ANKRD45: variants seen among roughly 807,000 people sequenced by gnomAD.
ANKRD45 encodes ankyrin repeat domain 45.
In ANKRD45, 21 loss-of-function variants were observed where a neutral mutation model predicts 28.1. That is an observed-to-expected ratio of 0.75 (90% CI 0.53 to 1.08). The LOEUF (loss-of-function observed/expected upper bound fraction) is 1.08, where lower values mean the gene tolerates loss of function less well. Ranked by LOEUF, ANKRD45 falls within the 50% of genes least tolerant of loss-of-function variation. The pLI is 0.00. For synonymous variants in ANKRD45, 86 were observed against 103.9 expected (o/e 0.83, Z 1.05); for missense variants, 261 against 308.7 (o/e 0.85, Z 1.16).
At position 173,659,177 on chromosome 1, in the gene ANKRD45, A is replaced by G. The variant is rs1186557416; in HGVS notation, c.242T>C (p.Leu81Ser). 1 of 1,614,028 alleles carries G rather than the reference A, an allele frequency of 6.2e-7. No homozygotes were observed. Among genetic ancestry groups the G allele is most frequent in the Non-Finnish European group, 8.5e-7 (1 of 1,180,022 alleles). ...TTGCCCAGCCATGCAAGCTGCATAC[A>G]ACAAATTTCTCCCAACGATGTCTTC... ...LEEDIVGRNL[L>S]YAACMAGQSD... The change falls in exon 2 of 6, where the codon TTG becomes TCG. Residue 81 changes from leucine to serine, a missense_variant. Coordinates refer to ENST00000333279, the MANE Select transcript of ANKRD45 (RefSeq NM_198493.3).
At chr1:173,618,004 A>G (rs1667539277) in intron 5 of ANKRD45, among the ~76,000 whole-genome samples, 1 of 152,186 alleles carries the variant, frequency 6.6e-6, no homozygotes, top group Non-Finnish European at 1.5e-5. Flanking sequence ...GGCAACTTCC[A>G]GCTTTCTGGA....
the ANKRD45 span, among the ~76,000 whole-genome samples, chr1:173,698,386 T>C: frequency 6.7e-6 from 1 of 149,480 alleles, no homozygotes; most frequent in Non-Finnish European, 1.5e-5. Flanking sequence ...CAGCACCACA[T>C]TGTACTTATT....
Position 173,656,503 on chromosome 1 carries a change from C to T in ANKRD45, c.328+2588G>A, listed in dbSNP as rs1195785519. ...TCTAATCTTTATATCCAGTAGTGTG[C>T]TGGTAAATGTATAACTAGTTATCTG... On this transcript the variant is annotated intron_variant, in intron 2 of 5. Coordinates refer to ENST00000333279, the MANE Select transcript of ANKRD45 (RefSeq NM_198493.3). Among the ~76,000 whole-genome samples the T allele has an allele frequency of 7.2e-5, 11 of 152,198 alleles. No individual in the cohort carries two copies. The East Asian group carries it at 1.5e-3, about 21-fold the overall frequency.
chr1:173,709,936 C>A, the ANKRD45 span, among the ~76,000 whole-genome samples: 1 of 152,172 alleles, frequency 6.6e-6, no homozygotes, highest in Non-Finnish European at 1.5e-5. Flanking sequence ...TAGGTGTTTT[C>A]TTAGCACCCA....
the ANKRD45 span, among the ~76,000 whole-genome samples, chr1:173,685,369 G>A: frequency 6.6e-6 from 1 of 152,196 alleles, no homozygotes; most frequent in Middle Eastern, 3.2e-3. Flanking sequence ...CCGGACTTCA[G>A]GATATAGCAG....
chr1:173,671,326 T>A (rs182032284), upstream of ANKRD45, among the ~76,000 whole-genome samples: 13 of 152,302 alleles, frequency 8.5e-5, no homozygotes, highest in East Asian at 2.5e-3. Context: ...TAAAAAGTAC[T>A]TCTTACAGGT....
rs975528413 is a variant in ANKRD45 at position 173,624,494 on chromosome 1, A to T, written c.730+293T>A. On this transcript the variant is annotated intron_variant, in intron 5 of 5. Coordinates refer to ENST00000333279, the MANE Select transcript of ANKRD45 (RefSeq NM_198493.3). ...AGAGGAAGACTCTGCCTCCGGGGGA[A>T]AAAAAAAAAAAAATCAAAACAAAGC... 6.3e-5 allele frequency among the ~76,000 whole-genome samples: 5 copies of T among 79,998 alleles called. No individual in the cohort carries two copies. In the African/African-American group the frequency reaches 8.2e-4, roughly 13 times the overall value. The allele number at this position is 79,998 out of a possible 152,430, so 52.5% of individuals were successfully genotyped here.
intron 3 of ANKRD45, among the ~76,000 whole-genome samples, chr1:173,631,271 A>G (rs1007215901): frequency 2.0e-5 from 3 of 152,186 alleles, no homozygotes; most frequent in Admixed American, 6.5e-5. Context: ...GCAAGAGGAT[A>G]TAACAGCTGG....
rs563383422 is a variant in ANKRD45, at chr1:173,653,063, A to AT, written c.328+6027dup. ...AAAAAAACAAGTCCTGTATTCATTGATTTTTTTGAAGGGTTTTTTGTGTCT... is the reference window on the plus strand; with the variant it reads ...AAAAAAACAAGTCCTGTATTCATTGATTTTTTTTGAAGGGTTTTTTGTGTCT... On this transcript the variant is annotated intron_variant, in intron 2 of 5. Coordinates refer to ENST00000333279, the MANE Select transcript of ANKRD45 (RefSeq NM_198493.3). 1.1e-4 allele frequency among the ~76,000 whole-genome samples: 17 copies of AT among 152,058 alleles called. No individual in the cohort carries two copies. In the South Asian group the frequency reaches 2.9e-3, roughly 26 times the overall value.
At chr1:173,663,057 AC>A (rs1439595594) in intron 1 of ANKRD45, among the ~76,000 whole-genome samples, 4 of 85,372 alleles carry the variant, frequency 4.7e-5, no homozygotes, top group African/African-American at 2.1e-4. Flanking sequence ...CCCTTCCAAC[AC>A]ACACACACAC....
At chr1:173,632,221 A>G (rs1571717741) in intron 3 of ANKRD45, among the ~76,000 whole-genome samples, 1 of 152,020 alleles carries the variant, frequency 6.6e-6, no homozygotes, top group Non-Finnish European at 1.5e-5. Context: ...ATATATGTCA[A>G]TAAATTGGAA....
At chr1:173,647,055 T>C (rs747386443) in intron 2 of ANKRD45, 42 bp from the exon 3 acceptor site, 51 of 1,579,706 alleles carry the variant, frequency 3.2e-5, no homozygotes, top group Non-Finnish European at 4.2e-5. Context: ...ACAGACTACA[T>C]TGTTTTAGGC....
At chr1:173,686,017 C>T in the ANKRD45 span, among the ~76,000 whole-genome samples, 1 of 152,156 alleles carries the variant, frequency 6.6e-6, no homozygotes, top group African/African-American at 2.4e-5. Context: ...GGACCAACTA[C>T]AGCATAAAAG....
chr1:173,643,514 T>A lies in ANKRD45; in HGVS notation c.496+3332A>T, dbSNP rs138890338. ...AACCACAGGAAGACTTTTAATTTCCTACTTCAGATTGCTAAAATAGCATGG... is the reference window on the plus strand; with the variant it reads ...AACCACAGGAAGACTTTTAATTTCCAACTTCAGATTGCTAAAATAGCATGG... On this transcript the variant is annotated intron_variant, in intron 3 of 5. Transcript: ENST00000333279. 1.4e-4 allele frequency among the ~76,000 whole-genome samples: 22 copies of A among 152,232 alleles called. 1 individual carries two copies. The highest frequency in any genetic ancestry group is 5.1e-4 in the African/African-American group (21 of 41,556).
chr1:173,699,251 G>A, the ANKRD45 span, among the ~76,000 whole-genome samples: 2 of 152,106 alleles, frequency 1.3e-5, no homozygotes, highest in African/African-American at 4.8e-5. Context: ...GTACAAAGAG[G>A]AACTGGTACA....
chr1:173,682,684 T>TACGCACACAC, the ANKRD45 span, among the ~76,000 whole-genome samples: 7,885 of 143,996 alleles, frequency 0.055, 258 homozygotes, highest in Middle Eastern at 0.14. Flanking sequence ...GCCTTTTAAA[T>TACGCACACAC]ACACACACAC....
chr1:173,636,463 T>G (rs1192045272), intron 3 of ANKRD45, among the ~76,000 whole-genome samples: 1 of 152,210 alleles, frequency 6.6e-6, no homozygotes, highest in Non-Finnish European at 1.5e-5. Flanking sequence ...TTATAAATGT[T>G]TTCTTATTTT....
At chr1:173,653,205 G>T (rs1029740869) in intron 2 of ANKRD45, among the ~76,000 whole-genome samples, 2 of 152,256 alleles carry the variant, frequency 1.3e-5, no homozygotes, top group South Asian at 2.1e-4. Flanking sequence ...GTTAATTTTA[G>T]ATCTTTCCTG....
chr1:173,635,672 C>T, intron 3 of ANKRD45: 1 of 1,535,644 alleles, frequency 6.5e-7, no homozygotes, highest in South Asian at 1.2e-5. Flanking sequence ...TAAGGGTTCT[C>T]CATCTCACTG....
Sources: gnomAD v4.1 joint callset for allele counts (sites outside exome capture counted in the v4.1 genomes callset) on GRCh38, gnomAD v4.1.1 for gene constraint, MANE v1.5 for transcripts, NCBI Gene and HGNC (gene_info 2026-07-23, HGNC 2026-07-21) for gene names.